Variants in GPM6A observed in about 807,000 individuals in gnomAD.
GPM6A encodes glycoprotein M6A.
Under a neutral mutation model 32.1 loss-of-function variants are expected in GPM6A, and 7 were observed. That is an observed-to-expected ratio of 0.22 (90% confidence interval 0.12 to 0.41). The LOEUF (loss-of-function observed/expected upper bound fraction) is 0.41, where lower values mean the gene tolerates loss of function less well. GPM6A is among the 10% of genes least tolerant of loss of function. GPM6A has a pLI of 1.00. For synonymous variants in GPM6A, 130 were observed against 123.4 expected, an observed-to-expected ratio of 1.05 and a Z score of -0.35; for missense variants, 235 against 347.2, an observed-to-expected ratio of 0.68 and a Z score of 2.57.
intron 1 of GPM6A, among the ~76,000 whole-genome samples, chr4:175,713,226 G>A (rs988558021): frequency 4.0e-5 from 6 of 150,566 alleles, no homozygotes; most frequent in African/African-American, 1.5e-4. Flanking sequence ...TATTTAAGAG[G>A]GAGTCTCACT....
At chr4:175,672,357 A>G (rs1187600656) in intron 3 of GPM6A, among the ~76,000 whole-genome samples, 2 of 152,222 alleles carry the variant, frequency 1.3e-5, no homozygotes, top group Non-Finnish European at 2.9e-5. Context: ...CATAAAAGGT[A>G]AGTAACTTGC....
intron 2 of GPM6A, among the ~76,000 whole-genome samples, chr4:175,678,395 A>G (rs1206481258): frequency 6.6e-6 from 1 of 152,080 alleles, no homozygotes; most frequent in Non-Finnish European, 1.5e-5. Flanking sequence ...GTACGACTAG[A>G]ATGGATAGGG....
At chr4:175,819,808 T>A (rs977056891) in intron 1 of GPM6A, among the ~76,000 whole-genome samples, 2 of 152,176 alleles carry the variant, frequency 1.3e-5, no homozygotes, top group African/African-American at 4.8e-5. Context: ...ACATGAATAT[T>A]TGTATTCATC....
At chr4:175,954,983 A>G (rs1394406853) in intron 1 of GPM6A, among the ~76,000 whole-genome samples, 5 of 152,260 alleles carry the variant, frequency 3.3e-5, no homozygotes, top group Non-Finnish European at 4.4e-5. Flanking sequence ...TCAAACACAG[A>G]TAAAACACCC....
At chr4:175,743,713 C>T (rs1358995036) in intron 1 of GPM6A, among the ~76,000 whole-genome samples, 1 of 151,762 alleles carries the variant, frequency 6.6e-6, no homozygotes, top group Admixed American at 6.6e-5. Flanking sequence ...AAATACTAAA[C>T]ACTAGAAAAT....
intron 1 of GPM6A, among the ~76,000 whole-genome samples, chr4:175,958,076 A>T (rs1366633455): frequency 2.0e-5 from 3 of 152,144 alleles, no homozygotes; most frequent in Non-Finnish European, 4.4e-5. Context: ...TGTTTTTACT[A>T]GAGATGGTGT....
intron 1 of GPM6A, among the ~76,000 whole-genome samples, chr4:175,925,850 CT>C (rs60669466): frequency 0.014 from 1,855 of 135,040 alleles, 26 homozygotes; most frequent in African/African-American, 0.043. Context: ...CTTTTCTTTT[CT>C]TTTTTTTTTT....
At chr4:175,940,744 G>A (rs557752244) in intron 1 of GPM6A, among the ~76,000 whole-genome samples, 3 of 152,178 alleles carry the variant, frequency 2.0e-5, no homozygotes, top group South Asian at 4.1e-4. Flanking sequence ...GAGTAGATGG[G>A]ATTACAGGCA....
intron 1 of GPM6A, among the ~76,000 whole-genome samples, chr4:175,806,416 G>A (rs1297981709): frequency 1.3e-5 from 2 of 152,106 alleles, no homozygotes; most frequent in Non-Finnish European, 2.9e-5. Flanking sequence ...ATTTGAAAAG[G>A]TGAATTCACT....
chr4:175,812,626 A>T, upstream of GPM6A: 2 of 993,430 alleles, frequency 2.0e-6, no homozygotes, highest in Non-Finnish European at 2.4e-6. Flanking sequence ...TGGGGAAAAG[A>T]AATTGAGGTT....
intron 1 of GPM6A, among the ~76,000 whole-genome samples, chr4:175,744,033 A>G (rs754166307): frequency 3.3e-5 from 5 of 152,040 alleles, no homozygotes; most frequent in Non-Finnish European, 7.4e-5. Context: ...GACCAAATTG[A>G]CATTCATTTA....
At chr4:175,648,119 T>TA (rs200926338) in intron 4 of GPM6A, among the ~76,000 whole-genome samples, 4,483 of 151,938 alleles carry the variant, frequency 0.03, 135 homozygotes, top group Admixed American at 0.085. Context: ...TTTTCTTTTT[T>TA]TAAAAAAAAA....
At chr4:175,984,799 T>C (rs1207679762) in intron 1 of GPM6A, among the ~76,000 whole-genome samples, 4 of 152,174 alleles carry the variant, frequency 2.6e-5, no homozygotes, top group Admixed American at 2.0e-4. Flanking sequence ...GATAGGGATA[T>C]GTGTGAGGCA....
chr4:175,781,229 C>G (rs1017995549), intron 1 of GPM6A: 2 of 152,076 alleles, frequency 1.3e-5, no homozygotes, highest in Non-Finnish European at 2.9e-5. Flanking sequence ...TAAGATCATA[C>G]AAGCACACAA....
intron 1 of GPM6A, among the ~76,000 whole-genome samples, chr4:175,714,986 C>T (rs1342802087): frequency 7.0e-6 from 1 of 142,654 alleles, no homozygotes; most frequent in Non-Finnish European, 1.5e-5. Flanking sequence ...GAAAAACAAT[C>T]CCTGGAAGAA....
rs981947468 is a variant in GPM6A at position 175,846,686 on chromosome 4, C to T, written c.-22-34437G>A. On this transcript the variant is annotated intron_variant, in intron 1 of 7. Transcript: ENST00000280187. ...CTATACCGAAGAATAAGGTCTCCTA[C>T]TCTATTTCACTGATTCTGCCAATTT... Among the ~76,000 whole-genome samples, 4 of 152,262 alleles carry T rather than the reference C, an allele frequency of 2.6e-5. No homozygotes were observed. In the East Asian group the frequency reaches 7.7e-4, roughly 29 times the overall value.
At chr4:175,647,113 TA>T (rs1037146839) in intron 4 of GPM6A, among the ~76,000 whole-genome samples, 17 of 152,212 alleles carry the variant, frequency 1.1e-4, no homozygotes, top group African/African-American at 4.1e-4. Context: ...GGAAATAAGA[TA>T]AAAACAAGCT....
chr4:175,912,483 T>G (rs1000811739), intron 1 of GPM6A, among the ~76,000 whole-genome samples: 1 of 152,030 alleles, frequency 6.6e-6, no homozygotes, highest in African/African-American at 2.4e-5. Context: ...GGTGAAACAC[T>G]GTCTCTACTA....
intron 1 of GPM6A, among the ~76,000 whole-genome samples, chr4:175,824,754 C>T (rs1735381816): frequency 6.6e-6 from 1 of 152,132 alleles, no homozygotes; most frequent in Non-Finnish European, 1.5e-5. Flanking sequence ...ATGCTAGGCA[C>T]ATATTTTTTT....
Sources: allele counts gnomAD v4.1 joint callset (sites outside exome capture counted in the v4.1 genomes callset), GRCh38; gene constraint gnomAD v4.1.1; transcripts MANE v1.5; gene names NCBI Gene and HGNC (gene_info 2026-07-23, HGNC 2026-07-21).